CARMIL1: variants seen among roughly 807,000 people sequenced by gnomAD.
The protein encoded by CARMIL1 is capping protein regulator and myosin 1 linker 1.
A neutral mutation model predicts 177.1 loss-of-function variants in CARMIL1; 90 were observed. That is an observed-to-expected ratio of 0.51 (90% CI 0.43 to 0.61). The LOEUF (loss-of-function observed/expected upper bound fraction) is 0.61, where lower values mean the gene tolerates loss of function less well. Among genes scored for constraint, CARMIL1 ranks in the 20% least tolerant of loss-of-function variants. The probability of loss-of-function intolerance (pLI) is 0.00; values close to 1 mark genes in which losing one functional copy is unlikely to be tolerated. For missense variants in CARMIL1, 1,380 were observed against 1,667.0 expected (o/e 0.83, Z 3.00); for synonymous variants, 577 against 606.2 (o/e 0.95, Z 0.71).
At chr6:25,367,700 C>T (rs1023154076) in intron 2 of CARMIL1, among the ~76,000 whole-genome samples, 1 of 152,186 alleles carries the variant, frequency 6.6e-6, no homozygotes, top group Non-Finnish European at 1.5e-5. Context: ...GAACACTTGA[C>T]TTCCAAACAG....
At chr6:25,571,585 A>G (rs1278216600) in intron 29 of CARMIL1, among the ~76,000 whole-genome samples, 2 of 151,876 alleles carry the variant, frequency 1.3e-5, no homozygotes, top group Admixed American at 1.3e-4. Context: ...TTAATACTTT[A>G]CAATTAGTAC....
intron 17 of CARMIL1, among the ~76,000 whole-genome samples, chr6:25,504,745 C>T (rs1031671927): frequency 6.6e-6 from 1 of 152,150 alleles, no homozygotes; most frequent in African/African-American, 2.4e-5. Context: ...AAAGGAGTCT[C>T]TTTTGTGTAT....
rs73387262 is a variant in CARMIL1, at chr6:25,416,151, G to C, written c.139-3963G>C. 5.3e-3 allele frequency among the ~76,000 whole-genome samples: 806 copies of C among 152,278 alleles called. 6 individuals carry two copies. Among genetic ancestry groups the C allele is most frequent in the African/African-American group, 0.018 (762 of 41,560 alleles). ...ACAGAAGGAGACACGCAGACCAGTAGGGATTGGTCCTTTTCCTTATGATAT... is the reference window on the plus strand; with the variant it reads ...ACAGAAGGAGACACGCAGACCAGTACGGATTGGTCCTTTTCCTTATGATAT... On this transcript the variant is annotated intron_variant, in intron 2 of 36. Transcript: ENST00000329474.
At chr6:25,450,576 C>A in intron 7 of CARMIL1, 62 bp from the exon 8 acceptor site, 1 of 1,109,516 alleles carries the variant, frequency 9.0e-7, no homozygotes, top group South Asian at 1.3e-5. Flanking sequence ...TTCTCACTGT[C>A]TCTCTTGCTT....
chr6:25,485,177 A>G (rs545288918), intron 12 of CARMIL1, among the ~76,000 whole-genome samples: 1 of 152,152 alleles, frequency 6.6e-6, no homozygotes, highest in Non-Finnish European at 1.5e-5. Context: ...GGTTCTGAGG[A>G]CCTTCAGTGC....
chr6:25,540,962 G>A (rs1047232219), intron 26 of CARMIL1, among the ~76,000 whole-genome samples: 4 of 152,132 alleles, frequency 2.6e-5, no homozygotes, highest in Admixed American at 1.3e-4. Flanking sequence ...GGGACTCTGT[G>A]TATCATTTTT....
At chr6:25,556,948 A>T in intron 29 of CARMIL1, 98 bp downstream of exon 29, 9 of 1,221,940 alleles carry the variant, frequency 7.4e-6, no homozygotes, top group Middle Eastern at 1.9e-4. Context: ...AATCAGACCA[A>T]ACAAAACACT....
intron 5 of CARMIL1, among the ~76,000 whole-genome samples, chr6:25,438,443 A>G (rs976687545): frequency 3.3e-5 from 5 of 152,220 alleles, no homozygotes; most frequent in Non-Finnish European, 7.3e-5. Flanking sequence ...AAGTGCTGTG[A>G]GAGAAATAGA....
chr6:25,576,845 C>T (rs1812629930), intron 29 of CARMIL1: 1 of 283,960 alleles, frequency 3.5e-6, no homozygotes, highest in Non-Finnish European at 5.3e-6. Flanking sequence ...GCTATGAAGG[C>T]TTTTTATGTG....
At chr6:25,584,791 C>T (rs961503830) in intron 31 of CARMIL1, among the ~76,000 whole-genome samples, 2 of 152,098 alleles carry the variant, frequency 1.3e-5, no homozygotes, top group African/African-American at 2.4e-5. Context: ...CTTTTATGAC[C>T]TGCCTCAAGG....
At chr6:25,306,874 C>T (rs1023331857) in intron 2 of CARMIL1, among the ~76,000 whole-genome samples, 1 of 138,310 alleles carries the variant, frequency 7.2e-6, no homozygotes, top group African/African-American at 2.8e-5. Context: ...CCTGCAGTGC[C>T]TTGGCTTTTT....
At chr6:25,311,595 C>T (rs935266782) in intron 2 of CARMIL1, among the ~76,000 whole-genome samples, 5 of 151,808 alleles carry the variant, frequency 3.3e-5, no homozygotes, top group Non-Finnish European at 7.4e-5. Context: ...AGCCCCAGTT[C>T]CCACCCCCAC....
At chr6:25,477,468 A>G (rs1257677581) in intron 11 of CARMIL1, among the ~76,000 whole-genome samples, 4 of 152,128 alleles carry the variant, frequency 2.6e-5, no homozygotes, top group Admixed American at 6.5e-5. Flanking sequence ...TGGTGAACAG[A>G]CCACACACAT....
intron 2 of CARMIL1, among the ~76,000 whole-genome samples, chr6:25,350,339 T>A (rs751005783): frequency 6.6e-6 from 1 of 152,138 alleles, no homozygotes; most frequent in Non-Finnish European, 1.5e-5. Flanking sequence ...TTATCTAAAG[T>A]CTTATAGTTA....
At chr6:25,404,872 G>T (rs1413105133) in intron 2 of CARMIL1, among the ~76,000 whole-genome samples, 2 of 152,186 alleles carry the variant, frequency 1.3e-5, no homozygotes, top group Non-Finnish European at 2.9e-5. Flanking sequence ...GGAAAGCTTG[G>T]AAAGGGATCT....
chr6:25,377,897 A>G (rs1270674404), intron 2 of CARMIL1, among the ~76,000 whole-genome samples: 2 of 152,102 alleles, frequency 1.3e-5, no homozygotes, highest in Non-Finnish European at 2.9e-5. Flanking sequence ...GCTTTGCCTT[A>G]TGTACCCAGG....
chr6:25,384,525 G>T (rs370434185), intron 2 of CARMIL1, among the ~76,000 whole-genome samples: 1 of 152,222 alleles, frequency 6.6e-6, no homozygotes, highest in African/African-American at 2.4e-5. Flanking sequence ...GATGGTTGAG[G>T]TTGCTCTGAG....
intron 23 of CARMIL1, among the ~76,000 whole-genome samples, chr6:25,522,630 T>G (rs1273025824): frequency 6.6e-6 from 1 of 152,178 alleles, no homozygotes; most frequent in Non-Finnish European, 1.5e-5. Flanking sequence ...TCTCTAGGTG[T>G]GTGGTCTTAG....
At chr6:25,345,946 A>G (rs568247279) in intron 2 of CARMIL1, among the ~76,000 whole-genome samples, 12 of 152,238 alleles carry the variant, frequency 7.9e-5, no homozygotes, top group Middle Eastern at 3.4e-3. Context: ...TCTTTCTCAC[A>G]TACCCCATCA....
Sources: allele counts gnomAD v4.1 joint callset (sites outside exome capture counted in the v4.1 genomes callset), GRCh38; gene constraint gnomAD v4.1.1; transcripts MANE v1.5; gene names NCBI Gene and HGNC (gene_info 2026-07-23, HGNC 2026-07-21).